L3MBTL4: variants seen among roughly 807,000 people sequenced by gnomAD.
L3MBTL4 encodes the protein lethal(3)malignant brain tumor-like protein 4.
A neutral mutation model predicts 84.5 loss-of-function variants in L3MBTL4; 70 were observed. The observed-to-expected ratio is 0.83, with a 90% confidence interval of 0.68 to 1.01. The LOEUF is 1.01. Among genes scored for constraint, L3MBTL4 ranks in the 50% least tolerant of loss-of-function variants. L3MBTL4 has a pLI of 0.00. For synonymous variants in L3MBTL4, 274 were observed against 259.8 expected (o/e 1.05, Z -0.52); for missense variants, 715 against 754.8 (o/e 0.95, Z 0.62).
chr18:6,048,468 C>A (rs2056717727), intron 16 of L3MBTL4, among the ~76,000 whole-genome samples: 1 of 152,118 alleles, frequency 6.6e-6, no homozygotes, highest in Non-Finnish European at 1.5e-5. Context: ...CATCACATTA[C>A]CCAACTTCAA....
chr18:6,291,706 G>A (rs2049873524), intron 4 of L3MBTL4, among the ~76,000 whole-genome samples: 1 of 152,106 alleles, frequency 6.6e-6, no homozygotes, highest in South Asian at 2.1e-4. Context: ...AATCAAAATG[G>A]ATTAAAGACA....
chr18:6,218,883 C>T (rs144417494), intron 10 of L3MBTL4, among the ~76,000 whole-genome samples: 614 of 152,230 alleles, frequency 4.0e-3, no homozygotes, highest in African/African-American at 0.014. Context: ...ATGCACACAG[C>T]AGTGCAGCAA....
At chr18:6,100,998 G>A (rs987701249) in intron 14 of L3MBTL4, among the ~76,000 whole-genome samples, 2 of 151,552 alleles carry the variant, frequency 1.3e-5, no homozygotes, top group Admixed American at 6.6e-5. Flanking sequence ...TTCATTGGGG[G>A]AGATGAGTTG....
chr18:6,227,846 T>A (rs1057418713), intron 10 of L3MBTL4, among the ~76,000 whole-genome samples: 1 of 152,072 alleles, frequency 6.6e-6, no homozygotes, highest in African/African-American at 2.4e-5. Flanking sequence ...AATTTTTTTT[T>A]AATAGAGATA....
At chr18:6,074,045 A>T (rs1438072867) in intron 16 of L3MBTL4, among the ~76,000 whole-genome samples, 3 of 151,582 alleles carry the variant, frequency 2.0e-5, no homozygotes, top group Admixed American at 6.5e-5. Context: ...GAGTTCCTTT[A>T]ATGTGAAGTG....
At chr18:6,365,264 C>CA (rs895478883) in intron 1 of L3MBTL4, among the ~76,000 whole-genome samples, 5 of 151,436 alleles carry the variant, frequency 3.3e-5, no homozygotes, top group East Asian at 1.9e-4. Context: ...TTTACACAGG[C>CA]AAAAAAAGAG....
intron 3 of L3MBTL4, among the ~76,000 whole-genome samples, chr18:6,309,335 A>G (rs8097200): frequency 0.19 from 28,611 of 152,228 alleles, 2,831 homozygotes; most frequent in African/African-American, 0.23. Flanking sequence ...ACTGGCAATG[A>G]GCCCCAAACT....
At chr18:6,150,711 T>G (rs910570357) in intron 13 of L3MBTL4, among the ~76,000 whole-genome samples, 1 of 152,188 alleles carries the variant, frequency 6.6e-6, no homozygotes, top group Non-Finnish European at 1.5e-5. Flanking sequence ...TTGTCCAGAC[T>G]GTAGAACTGA....
intron 13 of L3MBTL4, among the ~76,000 whole-genome samples, chr18:6,143,396 G>A (rs2060252886): frequency 6.6e-6 from 1 of 152,094 alleles, no homozygotes; most frequent in South Asian, 2.1e-4. Context: ...AAAAATGCAT[G>A]GGACCTAGCA....
intron 12 of L3MBTL4, among the ~76,000 whole-genome samples, chr18:6,175,278 T>A (rs1016235043): frequency 6.6e-6 from 1 of 152,050 alleles, no homozygotes; most frequent in African/African-American, 2.4e-5. Context: ...TAAAATGACA[T>A]CTTTAAAACG....
At chr18:6,190,207 C>A (rs1024621825) in intron 12 of L3MBTL4, among the ~76,000 whole-genome samples, 1 of 152,070 alleles carries the variant, frequency 6.6e-6, no homozygotes, top group Non-Finnish European at 1.5e-5. Context: ...ATACATGACT[C>A]CATTAATAAG....
intron 14 of L3MBTL4, among the ~76,000 whole-genome samples, chr18:6,126,016 A>C (rs1001512943): frequency 6.6e-6 from 1 of 152,366 alleles, no homozygotes; most frequent in Middle Eastern, 3.4e-3. Context: ...AATGTAACTC[A>C]GGAATTTTTA....
chr18:6,084,074 TG>T lies in L3MBTL4; in HGVS notation c.1374-3124del, dbSNP rs779063758. Among the ~76,000 whole-genome samples the T allele has an allele frequency of 6.0e-4, 91 of 152,328 alleles. No individual in the cohort carries two copies. In the Middle Eastern group the frequency reaches 0.01, roughly 17 times the overall value. On this transcript the variant is annotated intron_variant, in intron 15 of 18. Transcript: ENST00000317931. Reference sequence around the variant, plus strand: ...GTAGGAAATATTAATCTTCTATTTATGTGTTCAAAAGGCAAGTTAAGGAGTC... The same window carrying T: ...GTAGGAAATATTAATCTTCTATTTATTGTTCAAAAGGCAAGTTAAGGAGTC...
At chr18:6,195,051 C>A (rs1468947120) in intron 12 of L3MBTL4, among the ~76,000 whole-genome samples, 5 of 152,126 alleles carry the variant, frequency 3.3e-5, no homozygotes, top group Non-Finnish European at 7.3e-5. Context: ...CCAAATTTGC[C>A]CATAAGTGTA....
intron 1 of L3MBTL4, among the ~76,000 whole-genome samples, chr18:6,332,064 A>T (rs541395682): frequency 1.0e-3 from 156 of 152,308 alleles, no homozygotes; most frequent in African/African-American, 3.7e-3. Context: ...AATAGCACTC[A>T]GGACTCATGA....
chr18:6,363,317 C>T (rs1464875844), intron 1 of L3MBTL4, among the ~76,000 whole-genome samples: 1 of 152,138 alleles, frequency 6.6e-6, no homozygotes, highest in Non-Finnish European at 1.5e-5. Flanking sequence ...TACACGCCCA[C>T]ACCCGACTCC....
intron 14 of L3MBTL4, among the ~76,000 whole-genome samples, chr18:6,120,433 TGTGA>T (rs1327054130): frequency 6.6e-6 from 1 of 152,204 alleles, no homozygotes; most frequent in African/African-American, 2.4e-5. Flanking sequence ...TGGAGAAACT[TGTGA>T]GTAACGTTAG....
chr18:6,284,059 A>G (rs973945941), intron 4 of L3MBTL4, among the ~76,000 whole-genome samples: 2 of 152,190 alleles, frequency 1.3e-5, no homozygotes, highest in African/African-American at 4.8e-5. Context: ...TGTGTATTGC[A>G]CTATAATGCT....
chr18:6,215,710 G>A (rs184332037), intron 11 of L3MBTL4, 40 bp downstream of exon 11: 15 of 1,162,426 alleles, frequency 1.3e-5, no homozygotes, highest in South Asian at 3.0e-5. Context: ...CAATACAAAC[G>A]TTGTTTAAAG....
Sources: gnomAD v4.1 joint callset for allele counts (sites outside exome capture counted in the v4.1 genomes callset) on GRCh38, gnomAD v4.1.1 for gene constraint, MANE v1.5 for transcripts, NCBI Gene and HGNC (gene_info 2026-07-23, HGNC 2026-07-21) for gene names.